FAM13A: variants seen among roughly 807,000 people sequenced by gnomAD.
FAM13A encodes family with sequence similarity 13 member A.
A neutral mutation model predicts 129.6 loss-of-function variants in FAM13A; 76 were observed. The observed-to-expected ratio is 0.59, with a 90% CI of 0.49 to 0.71. The LOEUF is 0.71. Among genes scored for constraint, FAM13A ranks in the 30% least tolerant of loss-of-function variants. The probability of loss-of-function intolerance (pLI) is 0.00; values close to 1 mark genes in which losing one functional copy is unlikely to be tolerated. For missense variants in FAM13A, 1,108 were observed against 1,249.3 expected, an observed-to-expected ratio of 0.89 and a Z score of 1.70; for synonymous variants, 443 against 449.9, an observed-to-expected ratio of 0.98 and a Z score of 0.20.
At chr4:89,013,271 T>C (rs1225800551) in intron 3 of FAM13A, among the ~76,000 whole-genome samples, 2 of 150,168 alleles carry the variant, frequency 1.3e-5, no homozygotes, top group African/African-American at 4.9e-5. Flanking sequence ...CAATAAAATA[T>C]ATATATATAT....
intron 2 of FAM13A, among the ~76,000 whole-genome samples, chr4:89,027,829 G>A (rs1471395146): frequency 1.3e-5 from 2 of 151,998 alleles, no homozygotes; most frequent in Non-Finnish European, 2.9e-5. Context: ...GGATACACTG[G>A]ACAAGGGGAG....
In FAM13A at chr4:88,864,880, A is replaced by T. The variant is rs1561196156; in HGVS notation, c.844-13697T>A. ...TGGTAACTACTAAGTCTCCAGGCAT[A>T]AAACCTATGCATAGTATATTCTCCC... On this transcript the variant is annotated intron_variant, in intron 6 of 23. Coordinates refer to ENST00000264344, the MANE Select transcript of FAM13A (RefSeq NM_014883.4). Among the ~76,000 whole-genome samples the T allele has an allele frequency of 4.6e-5, 7 of 152,350 alleles. 1 individual carries two copies. In the South Asian group the frequency reaches 1.4e-3, roughly 32 times the overall value.
chr4:88,948,167 C>CT (rs950413297), intron 4 of FAM13A, among the ~76,000 whole-genome samples: 6 of 152,074 alleles, frequency 3.9e-5, no homozygotes, highest in African/African-American at 1.4e-4. Context: ...GAACAAGGGG[C>CT]TAGCTGGAAG....
intron 7 of FAM13A, among the ~76,000 whole-genome samples, chr4:88,836,741 C>T (rs1487699402): frequency 6.6e-6 from 1 of 152,084 alleles, no homozygotes; most frequent in Non-Finnish European, 1.5e-5. Context: ...GGGTGGATCA[C>T]CTGAGGTCGG....
chr4:89,020,280 C>CTTTT (rs374510433), intron 3 of FAM13A, among the ~76,000 whole-genome samples, 180 bp downstream of exon 3: 2 of 124,720 alleles, frequency 1.6e-5, no homozygotes, highest in Admixed American at 9.0e-5. Context: ...TTTTTCTGCC[C>CTTTT]TTTTTTTTTT....
chr4:88,729,464 T>C (rs892685189), intron 23 of FAM13A: 5 of 152,168 alleles, frequency 3.3e-5, no homozygotes, highest in African/African-American at 1.2e-4. Context: ...AGGGCAAATA[T>C]GGGTAAGGAG....
At chr4:88,919,911 C>T (rs1242499716) in intron 5 of FAM13A, among the ~76,000 whole-genome samples, 2 of 152,344 alleles carry the variant, frequency 1.3e-5, no homozygotes, top group Non-Finnish European at 1.5e-5. Flanking sequence ...GCACATGGCT[C>T]GGAGGGTCCT....
intron 7 of FAM13A, among the ~76,000 whole-genome samples, chr4:88,815,270 G>C (rs1730504804): frequency 1.3e-5 from 2 of 151,844 alleles, no homozygotes; most frequent in African/African-American, 4.8e-5. Context: ...TGTTACTTAG[G>C]CACCTTAATT....
intron 5 of FAM13A, among the ~76,000 whole-genome samples, chr4:88,923,560 A>G (rs185568526): frequency 6.6e-6 from 1 of 152,312 alleles, no homozygotes; most frequent in East Asian, 1.9e-4. Flanking sequence ...TCTCAAAATA[A>G]TAAGAGCTAT....
chr4:88,878,712 G>A (rs1186944150), intron 6 of FAM13A, among the ~76,000 whole-genome samples: 1 of 152,168 alleles, frequency 6.6e-6, no homozygotes, highest in Non-Finnish European at 1.5e-5. Context: ...ATTGCCTTAA[G>A]AATCTTCTCT....
At chr4:88,954,610 G>A (rs1369871746) in intron 4 of FAM13A, among the ~76,000 whole-genome samples, 1 of 152,186 alleles carries the variant, frequency 6.6e-6, no homozygotes, top group Non-Finnish European at 1.5e-5. Context: ...ATGGCCAGGA[G>A]TGCTGGCTCA....
intron 6 of FAM13A, among the ~76,000 whole-genome samples, chr4:88,885,777 T>C (rs1468741195): frequency 1.4e-5 from 2 of 142,396 alleles, no homozygotes; most frequent in East Asian, 4.1e-4. Flanking sequence ...AGGACTAATA[T>C]CCAGAATATA....
intron 5 of FAM13A, among the ~76,000 whole-genome samples, chr4:88,915,546 A>G (rs1749973592): frequency 6.6e-6 from 1 of 152,214 alleles, no homozygotes; most frequent in Admixed American, 6.5e-5. Context: ...ACACAATTAT[A>G]ATTTTGATTG....
At chr4:88,751,835 T>C (rs932448978) in intron 14 of FAM13A, among the ~76,000 whole-genome samples, 2 of 152,230 alleles carry the variant, frequency 1.3e-5, no homozygotes, top group Non-Finnish European at 2.9e-5. Context: ...AATTTACTTG[T>C]GGATTACTGT....
intron 4 of FAM13A, among the ~76,000 whole-genome samples, chr4:88,952,983 T>A (rs371711441): frequency 6.6e-5 from 10 of 152,248 alleles, no homozygotes; most frequent in African/African-American, 2.2e-4. Flanking sequence ...CAAACTTGAC[T>A]AATTTGAATT....
chr4:88,818,235 C>T (rs1018559123), intron 7 of FAM13A, among the ~76,000 whole-genome samples: 11 of 152,012 alleles, frequency 7.2e-5, no homozygotes, highest in African/African-American at 2.7e-4. Flanking sequence ...TCCTGACCTC[C>T]AGTGATCCCC....
At chr4:88,924,165 G>A (rs573947674) in intron 5 of FAM13A, among the ~76,000 whole-genome samples, 7 of 152,198 alleles carry the variant, frequency 4.6e-5, no homozygotes, top group East Asian at 1.9e-4. Context: ...TCCCCATCAA[G>A]CTACCAATGA....
chr4:88,922,104 A>G (rs1233850659), intron 5 of FAM13A, among the ~76,000 whole-genome samples: 1 of 151,814 alleles, frequency 6.6e-6, no homozygotes, highest in Non-Finnish European at 1.5e-5. Flanking sequence ...TAATAATGGG[A>G]GATTTTAACA....
At chr4:88,812,579 C>T (rs1181042261) in intron 7 of FAM13A, among the ~76,000 whole-genome samples, 5 of 152,210 alleles carry the variant, frequency 3.3e-5, no homozygotes, top group African/African-American at 1.2e-4. Flanking sequence ...TACTTCATCT[C>T]TCAGTTCAAG....
Sources: gnomAD v4.1 joint callset for allele counts (sites outside exome capture counted in the v4.1 genomes callset) on GRCh38, gnomAD v4.1.1 for gene constraint, MANE v1.5 for transcripts, NCBI Gene and HGNC (gene_info 2026-07-23, HGNC 2026-07-21) for gene names.